The following CYTH2 variants were observed in gnomAD, a reference collection of about 807,000 sequenced individuals.
The protein encoded by CYTH2 is cytohesin 2.
Under a neutral mutation model 55.4 loss-of-function variants are expected in CYTH2, and 24 were observed. The observed-to-expected ratio is 0.43, with a 90% CI of 0.31 to 0.61. CYTH2 has a LOEUF of 0.61. Among genes scored for constraint, CYTH2 ranks in the 20% least tolerant of loss-of-function variants. The pLI, the probability that CYTH2 is intolerant of heterozygous loss-of-function variation, is 0.08. For missense variants in CYTH2, 378 were observed against 533.5 expected, an observed-to-expected ratio of 0.71 and a Z score of 2.87; for synonymous variants, 221 against 209.6, an observed-to-expected ratio of 1.05 and a Z score of -0.47.
intron 5 of CYTH2, 108 bp from the exon 6 acceptor site, chr19:48,473,797 G>T: frequency 1.2e-6 from 1 of 846,552 alleles, no homozygotes; most frequent in Admixed American, 2.9e-5. Context: ...CAACTGCTGA[G>T]GCCGGAAGGT....
chr19:48,481,500 T>TTG lies in CYTH2; in HGVS notation c.*2291_*2292insGT, dbSNP rs1972044307. ...CTGATTTTTTTTGTAGGTTTTTTTTTTTGTTTTTTGTTTTGTTTTGTTTTG... is the reference window on the plus strand; with the variant it reads ...CTGATTTTTTTTGTAGGTTTTTTTTTTGTTGTTTTTTGTTTTGTTTTGTTTTG... On this transcript the variant is annotated 3_prime_UTR_variant, in exon 12 of 12. Transcript: ENST00000452733. The TTG allele has an allele frequency of 5.4e-6, 1 of 185,442 alleles. No homozygotes were observed. Among genetic ancestry groups the TTG allele is most frequent in the Non-Finnish European group, 1.1e-5 (1 of 89,736 alleles). 11.5% of individuals were successfully genotyped at this position (185,442 alleles called of 1,614,324 possible).
chr19:48,474,800 AG>A lies in CYTH2; in HGVS notation c.697-33del. ...ACCCTGAGTAACCCTGGGGGGCCCCAGGGGGCTCGAATGGCTAATGCAGCCT... is the reference window on the plus strand; with the variant it reads ...ACCCTGAGTAACCCTGGGGGGCCCCAGGGGCTCGAATGGCTAATGCAGCCT... On this transcript the variant is annotated intron_variant, in intron 7 of 11. Coordinates refer to ENST00000452733, the MANE Select transcript of CYTH2 (RefSeq NM_004228.7). This position sits in a 1 kb window ranked among gnomAD's most constrained non-coding sequence, Gnocchi z 4.9. The A allele has an allele frequency of 6.2e-7, 1 of 1,607,070 alleles. No homozygotes were observed. Among genetic ancestry groups the A allele is most frequent in the South Asian group, 1.1e-5 (1 of 90,350 alleles).
Position 48,473,381 on chromosome 19 carries a change from G to C in CYTH2, c.434+3G>C. The C allele has an allele frequency of 1.2e-6, 2 of 1,613,872 alleles. No individual in the cohort carries two copies. Among genetic ancestry groups the C allele is most frequent in the Non-Finnish European group, 1.7e-6 (2 of 1,179,782 alleles). On this transcript the variant is annotated splice_donor_region_variant and intron_variant, in intron 5 of 11. Transcript: ENST00000452733. Reference sequence around the variant, plus strand: ...CTCAATCTGGTGCAGGCCCTCAGGTGAGTGAGGGGGAGGGGTTTGGAACGC... The same window carrying C: ...CTCAATCTGGTGCAGGCCCTCAGGTCAGTGAGGGGGAGGGGTTTGGAACGC...
intron 8 of CYTH2, 39 bp from the exon 9 acceptor site, chr19:48,478,030 C>T (rs767842853): frequency 1.9e-6 from 3 of 1,563,536 alleles, no homozygotes; most frequent in East Asian, 2.2e-5. Context: ...CCCTGTCCCC[C>T]TGTTGAGCCC....
chr19:48,480,517 A>T lies in CYTH2; in HGVS notation c.*1307A>T, dbSNP rs1271842739. On this transcript the variant is annotated 3_prime_UTR_variant, in exon 12 of 12. Coordinates refer to ENST00000452733, the MANE Select transcript of CYTH2 (RefSeq NM_004228.7). Reference sequence around the variant, plus strand: ...CCTGCGCCCCTCCGCGGGAAGGTGGACTACAGTTATCGGCAGGCTGTGCGG... The same window carrying T: ...CCTGCGCCCCTCCGCGGGAAGGTGGTCTACAGTTATCGGCAGGCTGTGCGG... 1 of 152,156 alleles carries T rather than the reference A, an allele frequency of 6.6e-6. No individual in the cohort carries two copies. Among genetic ancestry groups the T allele is most frequent in the African/African-American group, 2.4e-5 (1 of 41,434 alleles). 9.4% of individuals were successfully genotyped at this position (152,156 alleles called of 1,614,324 possible).
intron 8 of CYTH2, chr19:48,475,840 G>GT (rs1301376999): frequency 3.9e-6 from 1 of 256,184 alleles, no homozygotes; most frequent in Non-Finnish European, 8.2e-6. Context: ...GCCGTGCCTG[G>GT]TAACAGTAGG....
In CYTH2 at chr19:48,474,298, G is replaced by A. The variant is rs1041896108; in HGVS notation, c.664G>A (p.Glu222Lys). The A allele has an allele frequency of 3.7e-6, 6 of 1,612,302 alleles. No homozygotes were observed. The highest frequency in any genetic ancestry group is 5.1e-6 in the Non-Finnish European group (6 of 1,179,032). ...RFVAMNRGIN[E>K]GGDLPEELLR... ...TGTGGCCATGAACCGGGGCATCAAC[G>A]AGGGCGGGGACCTGCCTGAGGAGCT... The change falls in exon 7 of 12, where the codon GAG (glutamate) becomes AAG (lysine). Residue 222 changes from glutamate (E) to lysine (K), a missense_variant. Physicochemically the swap from Glu to Lys is moderately conservative, Grantham distance 56 (BLOSUM62 1). Transcript: ENST00000452733. The surrounding 1 kb of genome is among the most constrained non-coding windows in gnomAD (Gnocchi z 4.9).
intron 1 of CYTH2, chr19:48,469,939 C>T (rs1435509189): frequency 7.2e-6 from 4 of 556,094 alleles, no homozygotes; most frequent in Admixed American, 4.5e-5. Context: ...CATCAGTTCC[C>T]CCGGCTGTAG....
rs902566763 is a variant in CYTH2, at chr19:48,469,940, C to T, written c.20-413C>T. Reference sequence around the variant, plus strand: ...CTCTCCTGAGCTGTCATCAGTTCCCCCGGCTGTAGTGACTTTTCATGGACC... The same window carrying T: ...CTCTCCTGAGCTGTCATCAGTTCCCTCGGCTGTAGTGACTTTTCATGGACC... On this transcript the variant is annotated intron_variant, in intron 1 of 11. Transcript: ENST00000452733. 14 of 556,158 alleles carry T rather than the reference C, an allele frequency of 2.5e-5. No individual in the cohort carries two copies. In the African/African-American group the frequency reaches 2.6e-4, roughly 10 times the overall value. 34.5% of individuals were successfully genotyped at this position (556,158 alleles called of 1,614,324 possible).
At position 48,474,564 on chromosome 19, in the gene CYTH2, T is replaced by G. The variant is rs1041528522; in HGVS notation, c.696+234T>G. 1.3e-5 allele frequency among the ~76,000 whole-genome samples: 2 copies of G among 152,224 alleles called. No homozygotes were observed. The highest frequency in any genetic ancestry group is 1.3e-4 in the Admixed American group (2 of 15,286). ...TGTCTGTCTTCTCTGTCTCTGGCTGTTGGGCTTTCCGGCCCTCGATTGGCC... is the reference window on the plus strand; with the variant it reads ...TGTCTGTCTTCTCTGTCTCTGGCTGGTGGGCTTTCCGGCCCTCGATTGGCC... On this transcript the variant is annotated intron_variant, in intron 7 of 11. Transcript: ENST00000452733. The surrounding 1 kb of genome is among the most constrained non-coding windows in gnomAD (Gnocchi z 4.9).
At chr19:48,472,555 A>C in intron 4 of CYTH2, 112 bp downstream of exon 4, 1 of 884,990 alleles carries the variant, frequency 1.1e-6, no homozygotes, top group East Asian at 2.6e-5. Context: ...CTCCCCGCAG[A>C]GGGGCCCTGG....
At chr19:48,470,908 C>T (rs1398274033) in intron 3 of CYTH2, among the ~76,000 whole-genome samples, 1 of 152,112 alleles carries the variant, frequency 6.6e-6, no homozygotes, top group African/African-American at 2.4e-5. Context: ...CCACTTTCTA[C>T]TTGTATGGGC....
chr19:48,471,382 C>A (rs892223414), intron 3 of CYTH2, among the ~76,000 whole-genome samples: 1 of 152,162 alleles, frequency 6.6e-6, no homozygotes, highest in Non-Finnish European at 1.5e-5. Context: ...AAACTCCTGA[C>A]GTCAGGTGAT....
chr19:48,470,720 G>A (rs1285334658), intron 3 of CYTH2, 51 bp downstream of exon 3: 2 of 1,608,520 alleles, frequency 1.2e-6, no homozygotes, highest in Non-Finnish European at 1.7e-6. Flanking sequence ...CCAGGCAGGG[G>A]CTTCTGGCAC....
Position 48,474,621 on chromosome 19 carries a change from G to A in CYTH2, c.697-217G>A, listed in dbSNP as rs1051090763. Among the ~76,000 whole-genome samples the A allele has an allele frequency of 1.3e-5, 2 of 151,984 alleles. No homozygotes were observed. The highest frequency in any genetic ancestry group is 2.4e-5 in the African/African-American group (1 of 41,360). Reference sequence around the variant, plus strand: ...CCCATCTGTCTGTTTCTCTGAGGACGTAGCCGGCTCCTCCACCTATCACCA... The same window carrying A: ...CCCATCTGTCTGTTTCTCTGAGGACATAGCCGGCTCCTCCACCTATCACCA... On this transcript the variant is annotated intron_variant, in intron 7 of 11. Coordinates refer to ENST00000452733, the MANE Select transcript of CYTH2 (RefSeq NM_004228.7). This position sits in a 1 kb window ranked among gnomAD's most constrained non-coding sequence, Gnocchi z 4.9.
At chr19:48,478,616 AT>A in intron 11 of CYTH2, 24 bp downstream of exon 11, 1 of 1,527,664 alleles carries the variant, frequency 6.5e-7, no homozygotes, top group Non-Finnish European at 8.8e-7. Flanking sequence ...CCTGGGCCTG[AT>A]GGAGGAGGGG....
At position 48,472,339 on chromosome 19, in the gene CYTH2, G is replaced by T; in HGVS notation, c.249G>T (p.Leu83Phe). ...CCACCCACCAGGGGATCCAGTTCTT[G>T]GTGGAGAATGAACTGCTGCAGAACA... ...NMDPKKGIQFLVENELLQNTP... is the reference protein window; with the variant it reads ...NMDPKKGIQFFVENELLQNTP... The change falls in exon 4 of 12, where the codon TTG becomes TTT. Residue 83 changes from leucine to phenylalanine, a missense_variant. Coordinates refer to ENST00000452733, the MANE Select transcript of CYTH2 (RefSeq NM_004228.7). The T allele has an allele frequency of 1.9e-6, 3 of 1,614,010 alleles. No homozygotes were observed. The highest frequency in any genetic ancestry group is 1.1e-5 in the South Asian group (1 of 91,074).
At chr19:48,478,748 CTCCTGGGTCTG>C in intron 11 of CYTH2, among the ~76,000 whole-genome samples, 156 bp downstream of exon 11, 1 of 135,750 alleles carries the variant, frequency 7.4e-6, no homozygotes, top group African/African-American at 3.2e-5. Flanking sequence ...GGGGCCTGGA[CTCCTGGGTCTG>C]ACGGAGGAGG....
At chr19:48,477,673 T>C (rs1182066711) in intron 8 of CYTH2, 2 of 211,798 alleles carry the variant, frequency 9.4e-6, no homozygotes, top group Non-Finnish European at 1.9e-5. Flanking sequence ...CGCCTTCCCT[T>C]CTCCTGCACC....
Sources: allele counts gnomAD v4.1 joint callset (sites outside exome capture counted in the v4.1 genomes callset), GRCh38; gene constraint gnomAD v4.1.1; non-coding constraint Gnocchi (gnomAD v3.1); transcripts MANE v1.5; gene names NCBI Gene and HGNC (gene_info 2026-07-23, HGNC 2026-07-21).